The following CMTM8 variants were observed in gnomAD, a reference collection of about 807,000 sequenced individuals.
CMTM8 encodes the protein CKLF like MARVEL transmembrane domain containing 8, also known as CKLF-like MARVEL transmembrane domain-containing protein 8.
CMTM8 carries 12 observed loss-of-function variants against 18.6 expected under a neutral mutation model. The ratio of observed to expected loss-of-function variants is 0.65; its 90% CI spans 0.41 to 1.05. The LOEUF (loss-of-function observed/expected upper bound fraction) is 1.05. Among genes scored for constraint, CMTM8 ranks in the 50% least tolerant of loss-of-function variants. The probability of loss-of-function intolerance (pLI) is 0.00; values close to 1 mark genes in which losing one functional copy is unlikely to be tolerated. For missense variants in CMTM8, 217 were observed against 227.2 expected, an observed-to-expected ratio of 0.95 and a Z score of 0.29; for synonymous variants, 87 against 90.6, an observed-to-expected ratio of 0.96 and a Z score of 0.23.
chr3:32,311,695 C>T (rs956243550), intron 1 of CMTM8, among the ~76,000 whole-genome samples: 4 of 152,160 alleles, frequency 2.6e-5, no homozygotes, highest in African/African-American at 9.7e-5. Flanking sequence ...CTTTTTCCCC[C>T]CACACCAACC....
At chr3:32,284,207 T>G (rs1352606272) in intron 1 of CMTM8, among the ~76,000 whole-genome samples, 1 of 152,220 alleles carries the variant, frequency 6.6e-6, no homozygotes, top group Non-Finnish European at 1.5e-5. Flanking sequence ...GAGCAGAGAT[T>G]GTGCCACTGC....
At chr3:32,292,140 G>A (rs991479236) in intron 1 of CMTM8, among the ~76,000 whole-genome samples, 1 of 152,316 alleles carries the variant, frequency 6.6e-6, no homozygotes, top group East Asian at 1.9e-4. Flanking sequence ...TGGAGAAAAT[G>A]TTCAGAAGAA....
chr3:32,272,368 AT>A (rs1198733250), intron 1 of CMTM8, among the ~76,000 whole-genome samples: 1 of 152,140 alleles, frequency 6.6e-6, no homozygotes, highest in Non-Finnish European at 1.5e-5. Context: ...ATAATGGAAA[AT>A]TATCAGCCAT....
At chr3:32,285,821 C>T (rs943262008) in intron 1 of CMTM8, among the ~76,000 whole-genome samples, 2 of 152,148 alleles carry the variant, frequency 1.3e-5, no homozygotes, top group Non-Finnish European at 2.9e-5. Context: ...TTGCTCTGTG[C>T]CTTTCTCCCC....
Position 32,339,215 on chromosome 3 carries a change from G to A in CMTM8, c.148-18158G>A, listed in dbSNP as rs558126795. On this transcript the variant is annotated intron_variant, in intron 1 of 3. Transcript: ENST00000307526. ...CCAGTAGGTCAATTTCCATTCCATTGCCTGCTGGGAAAATCAGGGTCCTGT... is the reference window on the plus strand; with the variant it reads ...CCAGTAGGTCAATTTCCATTCCATTACCTGCTGGGAAAATCAGGGTCCTGT... Among the ~76,000 whole-genome samples the A allele has an allele frequency of 5.8e-4, 89 of 152,294 alleles. No homozygotes were observed. In the South Asian group the frequency reaches 0.018, roughly 31 times the overall value.
At chr3:32,306,752 A>G (rs1171579868) in intron 1 of CMTM8, among the ~76,000 whole-genome samples, 2 of 152,300 alleles carry the variant, frequency 1.3e-5, no homozygotes, top group East Asian at 3.9e-4. Context: ...TTAGTGGGCA[A>G]CCTTGAGTTT....
At chr3:32,256,592 A>G (rs1179116507) in intron 1 of CMTM8, among the ~76,000 whole-genome samples, 1 of 152,226 alleles carries the variant, frequency 6.6e-6, no homozygotes, top group African/African-American at 2.4e-5. Flanking sequence ...TATATACAGG[A>G]GAAATGGCTT....
intron 1 of CMTM8, among the ~76,000 whole-genome samples, chr3:32,355,633 A>T (rs1182630555): frequency 6.6e-6 from 1 of 152,098 alleles, no homozygotes; most frequent in South Asian, 2.1e-4. Context: ...GTGGCTTTAT[A>T]AAAAAATCTA....
chr3:32,319,414 C>A (rs904734068), intron 1 of CMTM8, among the ~76,000 whole-genome samples: 1 of 149,184 alleles, frequency 6.7e-6, no homozygotes, highest in African/African-American at 2.6e-5. Context: ...CTTAACTTCT[C>A]TCCTCCTCCT....
intron 1 of CMTM8, among the ~76,000 whole-genome samples, chr3:32,277,268 G>T (rs917491600): frequency 1.3e-4 from 20 of 152,284 alleles, no homozygotes; most frequent in African/African-American, 4.6e-4. Flanking sequence ...GGCTACTGGT[G>T]TCCAGGGAGG....
chr3:32,253,452 C>G (rs1459993191), intron 1 of CMTM8, among the ~76,000 whole-genome samples: 1 of 149,412 alleles, frequency 6.7e-6, no homozygotes, highest in Non-Finnish European at 1.5e-5. Flanking sequence ...TCAAGTGATT[C>G]TCCTGCCTCA....
intron 1 of CMTM8, chr3:32,258,844 T>C (rs6550110): frequency 0.99 from 165,224 of 166,206 alleles, 82,136 homozygotes; most frequent in Middle Eastern, 1. Context: ...GTTTTCCCCA[T>C]GTTGGGTGTC....
chr3:32,349,504 CTG>C (rs1297741171), intron 1 of CMTM8, among the ~76,000 whole-genome samples: 3 of 152,128 alleles, frequency 2.0e-5, no homozygotes, highest in Non-Finnish European at 1.5e-5. Context: ...AATCCAGAGA[CTG>C]TTTCGTTTTA....
Position 32,260,909 on chromosome 3 carries a change from C to G in CMTM8, c.147+21790C>G, listed in dbSNP as rs140143548. Among the ~76,000 whole-genome samples the G allele has an allele frequency of 6.7e-4, 102 of 152,250 alleles. 2 individuals carry two copies. The East Asian group carries it at 0.019, about 28-fold the overall frequency. On this transcript the variant is annotated intron_variant, in intron 1 of 3. Transcript: ENST00000307526. ...TCTTAGTATTCATTCTTAAGCTCCT[C>G]AAGGTCTTTCCCAGTCTAAAATGCT...
At chr3:32,313,253 G>A (rs1272553507) in intron 1 of CMTM8, among the ~76,000 whole-genome samples, 4 of 152,222 alleles carry the variant, frequency 2.6e-5, no homozygotes, top group Non-Finnish European at 4.4e-5. Flanking sequence ...GCTCTTTCCC[G>A]ACGGATTCTT....
In CMTM8 at chr3:32,357,423, G is replaced by A; in HGVS notation, c.198G>A (p.Arg66=). Residue 66 remains arginine (R), a synonymous_variant, in exon 2 of 4, where the codon CGG becomes CGA. Transcript: ENST00000307526. The part of the protein sequence containing the change: ...WTLIAGTEYF[R]VPAFGWVMFV... The stretch of plus-strand genomic sequence containing the variant: ...TTATTGCTGGAACTGAGTACTTCCG[G>A]GTCCCCGCATTTGGCTGGGTCATGT... The A allele has an allele frequency of 1.2e-6, 2 of 1,613,950 alleles. No individual in the cohort carries two copies. The highest frequency in any genetic ancestry group is 1.7e-6 in the Non-Finnish European group (2 of 1,180,000).
intron 1 of CMTM8, among the ~76,000 whole-genome samples, chr3:32,282,551 C>A (rs1702623494): frequency 6.6e-6 from 1 of 152,202 alleles, no homozygotes; most frequent in African/African-American, 2.4e-5. Context: ...CTCAGCCAAA[C>A]TAACATCCTC....
At chr3:32,351,615 G>A (rs1696708889) in intron 1 of CMTM8, among the ~76,000 whole-genome samples, 1 of 151,736 alleles carries the variant, frequency 6.6e-6, no homozygotes, top group Non-Finnish European at 1.5e-5. Context: ...AGGAGGCTGA[G>A]ATAGAAAGAT....
intron 1 of CMTM8, among the ~76,000 whole-genome samples, chr3:32,338,851 G>T (rs569205786): frequency 2.0e-5 from 3 of 152,178 alleles, no homozygotes; most frequent in Non-Finnish European, 4.4e-5. Flanking sequence ...TTTTCCTAAG[G>T]TTCCATCAGA....
Sources: gnomAD v4.1 joint callset for allele counts (sites outside exome capture counted in the v4.1 genomes callset) on GRCh38, gnomAD v4.1.1 for gene constraint, MANE v1.5 for transcripts, NCBI Gene and HGNC (gene_info 2026-07-23, HGNC 2026-07-21) for gene names.